Variants in GRIA4 observed in about 807,000 individuals in gnomAD.
The protein encoded by GRIA4 is glutamate ionotropic receptor AMPA type subunit 4, also known as glutamate receptor 4.
Under a neutral mutation model 104.0 loss-of-function variants are expected in GRIA4, and 34 were observed. That is an observed-to-expected ratio of 0.33 (90% confidence interval 0.25 to 0.44). The LOEUF is 0.44. GRIA4 is among the 20% of genes least tolerant of loss of function. The pLI, the probability that GRIA4 is intolerant of heterozygous loss-of-function variation, is 1.00. For missense variants in GRIA4, 750 were observed against 1,096.5 expected, an observed-to-expected ratio of 0.68 and a Z score of 4.46; for synonymous variants, 386 against 381.9, an observed-to-expected ratio of 1.01 and a Z score of -0.13.
At chr11:105,960,579 G>A (rs1199107298) in intron 14 of GRIA4, among the ~76,000 whole-genome samples, 1 of 152,206 alleles carries the variant, frequency 6.6e-6, no homozygotes, top group South Asian at 2.1e-4. Flanking sequence ...GCAATTGTGA[G>A]TCCCAGTACT....
chr11:105,966,377 G>C (rs1351312712), intron 14 of GRIA4, among the ~76,000 whole-genome samples: 8 of 152,190 alleles, frequency 5.3e-5, no homozygotes, highest in Admixed American at 5.2e-4. Context: ...CAGCAAGTTA[G>C]AGAAGAGAGG....
chr11:105,744,187 A>G (rs2135665866), intron 3 of GRIA4, among the ~76,000 whole-genome samples: 1 of 152,280 alleles, frequency 6.6e-6, no homozygotes, highest in East Asian at 1.9e-4. Context: ...TGTCTTGTCC[A>G]CTAGACTGTG....
rs1318702218 is a variant in GRIA4 at position 105,911,806 on chromosome 11, A to ATATATATATATG, written c.1269+1264_1269+1265insATATATATGTAT. 1,026 of 285,420 alleles carry ATATATATATATG rather than the reference A, an allele frequency of 3.6e-3. 12 individuals are homozygous for ATATATATATATG. Among genetic ancestry groups the ATATATATATATG allele is most frequent in the East Asian group, 6.2e-3 (79 of 12,726 alleles). The allele number at this position is 285,420 out of a possible 1,614,324, so 17.7% of individuals were successfully genotyped here. A position where few individuals can be genotyped will look rare whatever the true frequency, so the allele number is the denominator to read the frequency against. ...TATATATATATATATATATATATAT[A>ATATATATATATG]TATGTTTCTTTTCCTAAAAAAGACA... is the stretch of plus-strand genomic sequence containing the variant. On this transcript the variant is annotated intron_variant, in intron 10 of 16. Transcript: ENST00000282499.
chr11:105,682,064 C>A (rs185695175), intron 3 of GRIA4, among the ~76,000 whole-genome samples: 1 of 149,458 alleles, frequency 6.7e-6, no homozygotes, highest in South Asian at 2.1e-4. Context: ...ATAATAATAA[C>A]AATTTCATTG....
At chr11:105,935,725 T>A (rs1948015173) in intron 14 of GRIA4, among the ~76,000 whole-genome samples, 1 of 152,138 alleles carries the variant, frequency 6.6e-6, no homozygotes, top group African/African-American at 2.4e-5. Context: ...TGTCTACTGA[T>A]AAAGTCAAGC....
intron 10 of GRIA4, chr11:105,913,073 T>C: frequency 1.2e-6 from 1 of 843,772 alleles, no homozygotes; most frequent in Non-Finnish European, 1.4e-6. Flanking sequence ...ACTGTAACAC[T>C]ATATGCTATT....
intron 5 of GRIA4, among the ~76,000 whole-genome samples, chr11:105,869,619 C>G (rs1361903169): frequency 2.0e-5 from 3 of 152,160 alleles, no homozygotes; most frequent in East Asian, 3.9e-4. Context: ...GCAAAACATT[C>G]AACAGTACCT....
At chr11:105,765,311 T>A (rs979977943) in intron 4 of GRIA4, among the ~76,000 whole-genome samples, 11 of 152,170 alleles carry the variant, frequency 7.2e-5, no homozygotes, top group African/African-American at 2.4e-4. Context: ...TGTACACAGA[T>A]ATTTAGATTA....
At chr11:105,791,151 C>A (rs1942197608) in intron 4 of GRIA4, among the ~76,000 whole-genome samples, 1 of 152,152 alleles carries the variant, frequency 6.6e-6, no homozygotes, top group South Asian at 2.1e-4. Context: ...TAAATTGGCT[C>A]ATTTAATACA....
intron 3 of GRIA4, among the ~76,000 whole-genome samples, chr11:105,632,516 G>A (rs1010819683): frequency 1.1e-4 from 16 of 152,208 alleles, no homozygotes; most frequent in African/African-American, 3.4e-4. Context: ...CATTAGCTAT[G>A]TGAATTGTTG....
chr11:105,658,241 G>T (rs1951902655), intron 3 of GRIA4, among the ~76,000 whole-genome samples: 1 of 151,744 alleles, frequency 6.6e-6, no homozygotes, highest in Admixed American at 6.6e-5. Flanking sequence ...ATTCAAATAT[G>T]AAATATGCAT....
intron 3 of GRIA4, among the ~76,000 whole-genome samples, chr11:105,698,050 T>C (rs1040919530): frequency 6.6e-6 from 1 of 152,174 alleles, no homozygotes; most frequent in Non-Finnish European, 1.5e-5. Context: ...TTCTCACATA[T>C]GCTACTATGT....
chr11:105,699,844 C>T (rs1329981356), intron 3 of GRIA4, among the ~76,000 whole-genome samples: 1 of 152,130 alleles, frequency 6.6e-6, no homozygotes, highest in Non-Finnish European at 1.5e-5. Context: ...ACATCCCTTT[C>T]CCCTTACCCG....
Position 105,926,893 on chromosome 11 carries a change from T to G in GRIA4, c.2000T>G (p.Ile667Ser). Residue 667 changes from isoleucine (I) to serine (S), a missense_variant, in exon 13 of 17, where the codon ATT (isoleucine) becomes AGT (serine). By Grantham distance (142) the Ile-to-Ser change is moderately radical. Around this residue, in one of 3 missense-constraint regions of GRIA4, gnomAD observed 272 missense variants for 524.5 expected, o/e 0.52. Transcript: ENST00000282499. Reference sequence around the variant, plus strand: ...GAAGACCTGGCCAAACAAACAGAAATTGCCTATGGAACACTGGATTCAGGA... The same window carrying G: ...GAAGACCTGGCCAAACAAACAGAAAGTGCCTATGGAACACTGGATTCAGGA... ...SAEDLAKQTE[I>S]AYGTLDSGST... 6.2e-7 allele frequency: 1 copy of G among 1,612,258 alleles called. No homozygotes were observed. The highest frequency in any genetic ancestry group is 1.3e-5 in the African/African-American group (1 of 74,966).
chr11:105,832,928 C>T (rs1032698904), intron 4 of GRIA4, among the ~76,000 whole-genome samples: 3 of 151,988 alleles, frequency 2.0e-5, no homozygotes, highest in Non-Finnish European at 4.4e-5. Flanking sequence ...ACAAATCTTA[C>T]AAGTATGAAA....
At chr11:105,765,719 G>C (rs1303739555) in intron 4 of GRIA4, among the ~76,000 whole-genome samples, 1 of 152,132 alleles carries the variant, frequency 6.6e-6, no homozygotes, top group Non-Finnish European at 1.5e-5. Flanking sequence ...ACAGAGCCAT[G>C]CTCATTTATT....
At chr11:105,651,181 A>G (rs1951676312) in intron 3 of GRIA4, among the ~76,000 whole-genome samples, 1 of 152,210 alleles carries the variant, frequency 6.6e-6, no homozygotes, top group African/African-American at 2.4e-5. Flanking sequence ...TGCCTAATTT[A>G]TAAAGTCACT....
intron 4 of GRIA4, among the ~76,000 whole-genome samples, chr11:105,805,189 A>G (rs576891619): frequency 1.3e-5 from 2 of 151,830 alleles, no homozygotes; most frequent in Admixed American, 6.6e-5. Flanking sequence ...TTTTACTATG[A>G]TATTTATTTG....
chr11:105,777,877 T>C (rs1469281978), intron 4 of GRIA4, among the ~76,000 whole-genome samples: 2 of 152,198 alleles, frequency 1.3e-5, no homozygotes, highest in East Asian at 3.9e-4. Flanking sequence ...ATAAATAGTA[T>C]GTTCAAGAAT....
Sources: gnomAD v4.1 joint callset for allele counts (sites outside exome capture counted in the v4.1 genomes callset) on GRCh38, gnomAD v4.1.1 for gene constraint, gnomAD v4.1.1 regional missense constraint, MANE v1.5 for transcripts, NCBI Gene and HGNC (gene_info 2026-07-23, HGNC 2026-07-21) for gene names.